Variants in STAG3 observed in about 807,000 individuals in gnomAD.
STAG3 encodes the protein STAG3 cohesin complex component.
Under a neutral mutation model 160.7 loss-of-function variants are expected in STAG3, and 101 were observed. That is an observed-to-expected ratio of 0.63 (90% CI 0.54 to 0.74). The LOEUF (loss-of-function observed/expected upper bound fraction) is 0.74. STAG3 is among the 30% of genes least tolerant of loss of function. STAG3 has a pLI of 0.00. For missense variants in STAG3, 1,188 were observed against 1,517.4 expected (o/e 0.78, Z 3.61); for synonymous variants, 519 against 585.0 (o/e 0.89, Z 1.63).
chr7:100,180,919 G>T, intron 2 of STAG3: 1 of 313,098 alleles, frequency 3.2e-6, no homozygotes, highest in South Asian at 3.2e-5. Flanking sequence ...TCGCCCTGTC[G>T]CCCAGGCTGG....
intron 8 of STAG3, among the ~76,000 whole-genome samples, chr7:100,193,378 A>G (rs559638550): frequency 6.6e-6 from 1 of 152,228 alleles, no homozygotes; most frequent in African/African-American, 2.4e-5. Flanking sequence ...GAAGCTTTGA[A>G]GCCAGGCATT....
At chr7:100,182,058 T>C (rs1271538075) in intron 2 of STAG3, 32 bp from the exon 3 acceptor site, 1 of 1,551,410 alleles carries the variant, frequency 6.4e-7, no homozygotes, top group Admixed American at 1.7e-5. Context: ...AATAGGGTGG[T>C]TATATTTAAA....
chr7:100,204,671 T>A lies in STAG3; in HGVS notation c.2847T>A (p.Asn949Lys). 1 of 1,614,178 alleles carries A rather than the reference T, an allele frequency of 6.2e-7. No individual in the cohort carries two copies. Among genetic ancestry groups the A allele is most frequent in the Non-Finnish European group, 8.5e-7 (1 of 1,180,012 alleles). The change falls in exon 27 of 34, where the codon AAT (asparagine) becomes AAA (lysine). Residue 949 changes from asparagine (N) to lysine (K), a missense_variant. Around this residue, in one of 4 missense-constraint regions of STAG3, gnomAD observed 647 missense variants for 717.2 expected, o/e 0.90. Transcript: ENST00000615138. The stretch of plus-strand genomic sequence containing the variant: ...AGGAGCATGGGCCCCAGGGCCTGAA[T>A]GAGCTTCCTGCCTTCATCGAGATGA... ...LLQEHGPQGL[N>K]ELPAFIEMRD... is the part of the protein sequence containing the mutation.
intron 2 of STAG3, 29 bp downstream of exon 2, chr7:100,180,701 T>G: frequency 4.5e-6 from 6 of 1,324,176 alleles, no homozygotes; most frequent in Non-Finnish European, 6.6e-6. Flanking sequence ...GTGTGGCCAC[T>G]TCCTGTGTCC....
Position 100,182,132 on chromosome 7 carries a change from A to G in STAG3, c.159A>G (p.Glu53=), listed in dbSNP as rs1420375269. The G allele has an allele frequency of 6.2e-7, 1 of 1,613,618 alleles. No homozygotes were observed. Among genetic ancestry groups the G allele is most frequent in the Non-Finnish European group, 8.5e-7 (1 of 1,179,934 alleles). ...SLLADEDTDF[E]DSLNRNVKKR... ...TAGCTGATGAAGACACTGACTTTGAAGACAGCTTGAATCGCAATGTGAAGA... is the reference window on the plus strand; with the variant it reads ...TAGCTGATGAAGACACTGACTTTGAGGACAGCTTGAATCGCAATGTGAAGA... Residue 53 remains glutamate (E), a synonymous_variant, in exon 3 of 34, where the codon GAA becomes GAG. Coordinates refer to ENST00000615138, the MANE Select transcript of STAG3 (RefSeq NM_001282717.2).
rs1801087109 is a variant in STAG3, at chr7:100,201,072, ATCT to A, written c.2062-13_2062-11del. ...AGTTCTGGGGGAAATGCTATTGTGG[ATCT>A]TCTTTCCTTCTCAGTCGTCCTTCCT... On this transcript the variant is annotated splice_polypyrimidine_tract_variant and intron_variant, in intron 19 of 33. Transcript: ENST00000615138. 2 of 1,613,950 alleles carry A rather than the reference ATCT, an allele frequency of 1.2e-6. No homozygotes were observed. The highest frequency in any genetic ancestry group is 4.5e-5 in the East Asian group (2 of 44,890).
At position 100,205,226 on chromosome 7, in the gene STAG3, G is replaced by A; in HGVS notation, c.3081-1G>A. The A allele has an allele frequency of 6.2e-7, 1 of 1,613,856 alleles. No individual in the cohort carries two copies. Among genetic ancestry groups the A allele is most frequent in the Non-Finnish European group, 8.5e-7 (1 of 1,179,856 alleles). On this transcript the variant is annotated splice_acceptor_variant, in intron 28 of 33. Transcript: ENST00000615138. LOFTEE classifies it high-confidence loss of function. The stretch of plus-strand genomic sequence containing the variant: ...GGCTTTTGGTTCTACCTCTTTCATA[G>A]ACTGTCCTATCTAGAAAAGTGCCTG...
Position 100,202,503 on chromosome 7 carries a change from C to T in STAG3, c.2613C>T (p.Arg871=), listed in dbSNP as rs1448030335. Residue 871 remains arginine (R), a synonymous_variant, in exon 25 of 34, where the codon CGC becomes CGT. Transcript: ENST00000615138. The stretch of plus-strand genomic sequence containing the variant: ...AGATAGAGCGGCTACACCAGCGGCG[C>T]CGCCTCCTAGCCGGGTTCTGCAAGC... ...HLQIERLHQR[R]RLLAGFCKLL... is the part of the protein sequence containing the mutation. 1 of 1,614,084 alleles carries T rather than the reference C, an allele frequency of 6.2e-7. No individual in the cohort carries two copies. Among genetic ancestry groups the T allele is most frequent in the African/African-American group, 1.3e-5 (1 of 74,934 alleles).
At chr7:100,208,651 G>A (rs559722446) in intron 29 of STAG3, among the ~76,000 whole-genome samples, 10 of 152,308 alleles carry the variant, frequency 6.6e-5, no homozygotes, top group South Asian at 6.2e-4. Flanking sequence ...TGCCTAAAGC[G>A]TAGGGTTTGT....
intron 6 of STAG3, 141 bp downstream of exon 6, chr7:100,188,670 A>G: frequency 9.1e-7 from 1 of 1,103,264 alleles, no homozygotes. Flanking sequence ...AGATCTGAAT[A>G]TGCCTCTCAA....
rs779784238 is a variant in STAG3 at position 100,202,309 on chromosome 7, C to T, written c.2532C>T (p.His844=). The T allele has an allele frequency of 9.3e-6, 15 of 1,614,144 alleles. No individual in the cohort carries two copies. The highest frequency in any genetic ancestry group is 6.7e-5 in the East Asian group (3 of 44,888). ...QSELASFLMD[H]VFIQPGDLGS... ...AGCTAGCCAGCTTCCTCATGGACCA[C>T]GTCTTCATCCAGCCGGGAGACCTGG... The change falls in exon 24 of 34, where the codon CAC becomes CAT. Residue 844 remains histidine, a synonymous_variant. Transcript: ENST00000615138.
chr7:100,211,677 C>A, intron 31 of STAG3, 118 bp from the exon 32 acceptor site: 2 of 1,397,676 alleles, frequency 1.4e-6, no homozygotes, highest in Admixed American at 1.9e-5. Flanking sequence ...TCAGCACAAT[C>A]GGGAAACTAC....
intron 32 of STAG3, chr7:100,213,379 T>C (rs1727129): frequency 0.51 from 506,080 of 984,710 alleles, 130,556 homozygotes; most frequent in South Asian, 0.58. Context: ...AAGAACAGAA[T>C]AGAACAGAAC....
chr7:100,211,247 C>G, intron 30 of STAG3, 62 bp downstream of exon 30: 1 of 1,526,690 alleles, frequency 6.6e-7, no homozygotes, highest in Non-Finnish European at 8.8e-7. Context: ...CTGCCTCCAT[C>G]TTGCTGTTTC....
chr7:100,200,303 C>G lies in STAG3; in HGVS notation c.1745C>G (p.Pro582Arg). 1 of 1,613,792 alleles carries G rather than the reference C, an allele frequency of 6.2e-7. No homozygotes were observed. Among genetic ancestry groups the G allele is most frequent in the South Asian group, 1.1e-5 (1 of 91,054 alleles). Residue 582 changes from proline to arginine, a missense_variant, in exon 17 of 34, where the codon CCC becomes CGC. Physicochemically the swap from Pro to Arg is moderately radical, Grantham distance 103. Transcript: ENST00000615138. The stretch of plus-strand genomic sequence containing the variant: ...GTGAAGTTGACTGAGCACCTCATCC[C>G]CCTGCTGCCCCAGCTCCTGGCCAAG... The part of the protein sequence containing the change: ...DRVKLTEHLI[P>R]LLPQLLAKFS...
In STAG3 at chr7:100,198,948, G is replaced by C; in HGVS notation, c.1458G>C (p.Val486=). ...TFFQLLLSFF[V]ESELHDHAAY... Reference sequence around the variant, plus strand: ...TCCAGCTTCTGCTGTCCTTCTTTGTGGAGAGCGAGGTGACATACACAGAGA... The same window carrying C: ...TCCAGCTTCTGCTGTCCTTCTTTGTCGAGAGCGAGGTGACATACACAGAGA... The change falls in exon 14 of 34, where the codon GTG becomes GTC. Residue 486 remains valine (V), a synonymous_variant. Transcript: ENST00000615138. 1 of 1,612,082 alleles carries C rather than the reference G, an allele frequency of 6.2e-7. No individual in the cohort carries two copies. The highest frequency in any genetic ancestry group is 8.5e-7 in the Non-Finnish European group (1 of 1,179,930).
downstream of STAG3, among the ~76,000 whole-genome samples, chr7:100,215,901 C>G (rs1802713034): frequency 6.6e-6 from 1 of 152,130 alleles, no homozygotes; most frequent in Admixed American, 6.5e-5. Context: ...GTTTCCGTTT[C>G]CTGTCTCTTC....
intron 18 of STAG3, 86 bp from the exon 19 acceptor site, chr7:100,200,683 A>G (rs1801051390): frequency 6.4e-7 from 1 of 1,555,370 alleles, no homozygotes; most frequent in Non-Finnish European, 8.8e-7. Flanking sequence ...TTGAAGTTTA[A>G]TGCTTTTAAC....
intron 4 of STAG3, among the ~76,000 whole-genome samples, chr7:100,185,731 A>AT (rs1799955268): frequency 6.6e-6 from 1 of 151,954 alleles, no homozygotes. Flanking sequence ...AGAAAGAATT[A>AT]TTTTTTTTCC....
Sources: gnomAD v4.1 joint callset for allele counts (sites outside exome capture counted in the v4.1 genomes callset) on GRCh38, gnomAD v4.1.1 for gene constraint, gnomAD v4.1.1 regional missense constraint, MANE v1.5 for transcripts, NCBI Gene and HGNC (gene_info 2026-07-23, HGNC 2026-07-21) for gene names.